Variants in EIF3K observed in about 807,000 individuals in gnomAD.
The protein encoded by EIF3K is eukaryotic translation initiation factor 3 subunit K, also known as eIF-3 p28.
In EIF3K, 27 loss-of-function variants were observed where a neutral mutation model predicts 34.2. That is an observed-to-expected ratio of 0.79 (90% CI 0.58 to 1.09). The LOEUF is 1.09. Ranked by LOEUF, EIF3K falls within the 50% of genes least tolerant of loss-of-function variation. EIF3K has a pLI of 0.00. For synonymous variants in EIF3K, 105 were observed against 105.7 expected, an observed-to-expected ratio of 0.99 and a Z score of 0.04; for missense variants, 232 against 275.4, an observed-to-expected ratio of 0.84 and a Z score of 1.11.
intron 2 of EIF3K, among the ~76,000 whole-genome samples, chr19:38,620,896 A>G (rs1022880266): frequency 1.3e-5 from 2 of 151,902 alleles, no homozygotes; most frequent in African/African-American, 4.8e-5. Context: ...CTCCGTCTCA[A>G]AAATAATAAT....
intron 3 of EIF3K, 72 bp downstream of exon 3, chr19:38,624,269 A>AGAT (rs1975903008): frequency 3.7e-6 from 6 of 1,600,568 alleles, no homozygotes; most frequent in Non-Finnish European, 4.3e-6. Flanking sequence ...ATTCCCAGGG[A>AGAT]GATGGTCTGT....
intron 7 of EIF3K, among the ~76,000 whole-genome samples, chr19:38,636,583 G>A (rs924268934): frequency 3.9e-5 from 6 of 152,166 alleles, no homozygotes; most frequent in East Asian, 1.9e-4. Flanking sequence ...TAAGCACCTC[G>A]TTTGGTCCTA....
chr19:38,630,096 C>T (rs1976029101), intron 4 of EIF3K, among the ~76,000 whole-genome samples: 1 of 151,746 alleles, frequency 6.6e-6, no homozygotes, highest in African/African-American at 2.4e-5. Flanking sequence ...ACTTACATCA[C>T]ATGGCTACAC....
chr19:38,636,239 AAGG>A (rs1976189050), intron 7 of EIF3K, among the ~76,000 whole-genome samples: 2 of 152,128 alleles, frequency 1.3e-5, no homozygotes, highest in South Asian at 2.1e-4. Flanking sequence ...CAACAAGGAA[AAGG>A]AGGAGGAAGG....
chr19:38,623,950 G>A, intron 2 of EIF3K, 127 bp from the exon 3 acceptor site: 3 of 1,441,496 alleles, frequency 2.1e-6, no homozygotes, highest in Non-Finnish European at 1.9e-6. Flanking sequence ...GGGAAGCACT[G>A]GGACTGGGAT....
At chr19:38,621,731 G>A (rs776016309) in intron 2 of EIF3K, among the ~76,000 whole-genome samples, 4 of 152,146 alleles carry the variant, frequency 2.6e-5, no homozygotes, top group Non-Finnish European at 5.9e-5. Flanking sequence ...TTTGCCATTT[G>A]CTACTCAGCA....
At chr19:38,622,940 T>G (rs530717816) in intron 2 of EIF3K, among the ~76,000 whole-genome samples, 1 of 152,258 alleles carries the variant, frequency 6.6e-6, no homozygotes, top group Non-Finnish European at 1.5e-5. Flanking sequence ...CCGGAACAAT[T>G]GCTGTTATCC....
At chr19:38,620,509 G>T in intron 2 of EIF3K, 74 bp downstream of exon 2, 1 of 1,316,006 alleles carries the variant, frequency 7.6e-7, no homozygotes. Flanking sequence ...CAGGGCAAGG[G>T]GGTGGCTGGT....
At chr19:38,623,748 T>G (rs1230168655) in intron 2 of EIF3K, among the ~76,000 whole-genome samples, 1 of 152,174 alleles carries the variant, frequency 6.6e-6, no homozygotes, top group Non-Finnish European at 1.5e-5. Flanking sequence ...CAGTCCAAGG[T>G]CACTCAGCAG....
chr19:38,624,737 CAA>C (rs796560133), intron 3 of EIF3K, among the ~76,000 whole-genome samples: 1 of 138,610 alleles, frequency 7.2e-6, no homozygotes, highest in African/African-American at 2.7e-5. Flanking sequence ...GACTCTGTCT[CAA>C]AAAAAAAAAG....
At chr19:38,629,887 T>C (rs1416069242) in intron 4 of EIF3K, among the ~76,000 whole-genome samples, 1 of 152,104 alleles carries the variant, frequency 6.6e-6, no homozygotes, top group Non-Finnish European at 1.5e-5. Context: ...CTGTGTGGCC[T>C]AATGGGCTAT....
intron 4 of EIF3K, among the ~76,000 whole-genome samples, chr19:38,627,430 C>T (rs896414881): frequency 7.9e-5 from 12 of 151,612 alleles, no homozygotes; most frequent in African/African-American, 2.9e-4. Flanking sequence ...TTTGGGAGGC[C>T]GAGGCAGGTG....
At chr19:38,631,246 C>T (rs1005774383) in intron 4 of EIF3K, among the ~76,000 whole-genome samples, 1 of 152,094 alleles carries the variant, frequency 6.6e-6, no homozygotes, top group African/African-American at 2.4e-5. Context: ...GAAAAGGGGG[C>T]CCAGGGGACC....
chr19:38,625,953 G>T, intron 3 of EIF3K, 75 bp from the exon 4 acceptor site: 1 of 1,345,890 alleles, frequency 7.4e-7, no homozygotes, highest in Non-Finnish European at 1.1e-6. Flanking sequence ...CCAGAAGAAG[G>T]TAGGTGGGGA....
In EIF3K at chr19:38,624,066, C is replaced by T; in HGVS notation, c.159-11C>T. On this transcript the variant is annotated splice_polypyrimidine_tract_variant and intron_variant, in intron 2 of 7. Coordinates refer to ENST00000248342, the MANE Select transcript of EIF3K (RefSeq NM_013234.4). Reference sequence around the variant, plus strand: ...TGCCACTGTGGCCACGTCTCTTGTTCTTTTTCTTAGGTACCAGTTCAACCC... The same window carrying T: ...TGCCACTGTGGCCACGTCTCTTGTTTTTTTTCTTAGGTACCAGTTCAACCC... 2 of 1,614,050 alleles carry T rather than the reference C, an allele frequency of 1.2e-6. No homozygotes were observed. The highest frequency in any genetic ancestry group is 1.7e-6 in the Non-Finnish European group (2 of 1,179,960).
At chr19:38,635,159 G>A in intron 7 of EIF3K, 41 bp downstream of exon 7, 2 of 1,613,474 alleles carry the variant, frequency 1.2e-6, no homozygotes, top group South Asian at 1.1e-5. Context: ...GGGCTAAGGG[G>A]GTGCCCCTCA....
At chr19:38,633,317 A>G (rs1239822830) in intron 6 of EIF3K, among the ~76,000 whole-genome samples, 2 of 152,120 alleles carry the variant, frequency 1.3e-5, no homozygotes, top group Non-Finnish European at 2.9e-5. Flanking sequence ...TCAGATGGAT[A>G]TTTTTTAAAG....
intron 2 of EIF3K, among the ~76,000 whole-genome samples, chr19:38,621,003 A>G (rs1470000198): frequency 6.6e-6 from 1 of 151,886 alleles, no homozygotes; most frequent in East Asian, 1.9e-4. Context: ...AGAGTTCGAG[A>G]CCATCCATGG....
intron 2 of EIF3K, among the ~76,000 whole-genome samples, chr19:38,621,120 C>G (rs1204834631): frequency 3.3e-5 from 5 of 151,568 alleles, no homozygotes; most frequent in Admixed American, 2.6e-4. Flanking sequence ...TCGCTTAAGC[C>G]TGGAAGATTA....
Sources: gnomAD v4.1 joint callset for allele counts (sites outside exome capture counted in the v4.1 genomes callset) on GRCh38, gnomAD v4.1.1 for gene constraint, MANE v1.5 for transcripts, NCBI Gene and HGNC (gene_info 2026-07-23, HGNC 2026-07-21) for gene names.